Variants in DAB1 observed in about 807,000 individuals in gnomAD.
DAB1 encodes the protein DAB adaptor protein 1.
In DAB1, 15 loss-of-function variants were observed where a neutral mutation model predicts 64.6. That is an observed-to-expected ratio of 0.23 (90% CI 0.16 to 0.36). DAB1 has a LOEUF of 0.36. DAB1 is among the 10% of genes least tolerant of loss of function. DAB1 has a pLI of 1.00. For missense variants in DAB1, 596 were observed against 706.7 expected (o/e 0.84, Z 1.78); for synonymous variants, 235 against 251.9 (o/e 0.93, Z 0.64).
intron 1 of DAB1, among the ~76,000 whole-genome samples, chr1:57,357,899 G>A (rs2100885260): frequency 6.6e-6 from 1 of 152,050 alleles, no homozygotes; most frequent in South Asian, 2.1e-4. Context: ...CCGAACACAT[G>A]GGGATTACGG....
intron 4 of DAB1, among the ~76,000 whole-genome samples, chr1:58,220,201 A>G (rs1659084319): frequency 6.6e-6 from 1 of 152,180 alleles, no homozygotes; most frequent in Admixed American, 6.5e-5. Context: ...TTTTGCAGGG[A>G]TATTGTAGAA....
At chr1:57,768,092 G>T (rs1332295806) in intron 6 of DAB1, among the ~76,000 whole-genome samples, 2 of 147,584 alleles carry the variant, frequency 1.4e-5, no homozygotes, top group Admixed American at 1.4e-4. Flanking sequence ...TAGGAGAATT[G>T]CTTGAACCTG....
At chr1:57,229,888 C>T (rs1667542704) in intron 2 of DAB1, among the ~76,000 whole-genome samples, 2 of 152,182 alleles carry the variant, frequency 1.3e-5, no homozygotes, top group African/African-American at 4.8e-5. Flanking sequence ...ATGAGGGTTT[C>T]TGACATGATT....
At chr1:57,162,869 C>A (rs570789210) in intron 2 of DAB1, among the ~76,000 whole-genome samples, 5 of 152,172 alleles carry the variant, frequency 3.3e-5, no homozygotes, top group Non-Finnish European at 7.3e-5. Flanking sequence ...GAGAAGGCTG[C>A]AATATAAATT....
chr1:57,549,950 CAAGA>C (rs1644896065), intron 7 of DAB1, among the ~76,000 whole-genome samples: 2 of 152,052 alleles, frequency 1.3e-5, no homozygotes, highest in African/African-American at 4.8e-5. Context: ...TCTTTTGTTG[CAAGA>C]AAGACTTCTG....
chr1:58,408,061 C>G (rs1644633902), intron 3 of DAB1, among the ~76,000 whole-genome samples: 1 of 152,176 alleles, frequency 6.6e-6, no homozygotes, highest in African/African-American at 2.4e-5. Flanking sequence ...GCAGCCTCAG[C>G]ATCGCCTGAA....
intron 4 of DAB1, among the ~76,000 whole-genome samples, chr1:58,274,607 C>T (rs540093090): frequency 4.0e-5 from 6 of 151,330 alleles, no homozygotes; most frequent in Non-Finnish European, 8.8e-5. Flanking sequence ...CCCCCAGCCT[C>T]GCTGCCGCCT....
chr1:57,834,200 G>A (rs544819695), intron 1 of DAB1, among the ~76,000 whole-genome samples: 10 of 152,020 alleles, frequency 6.6e-5, no homozygotes, highest in South Asian at 2.1e-4. Flanking sequence ...AGTTTTGTCC[G>A]CAACACCACA....
At chr1:58,216,443 G>C (rs1020497933) in intron 4 of DAB1, among the ~76,000 whole-genome samples, 72 of 152,212 alleles carry the variant, frequency 4.7e-4, no homozygotes, top group African/African-American at 1.6e-3. Context: ...TGGGCATTTG[G>C]GTTGGTTCCT....
At chr1:57,523,331 A>G (rs1457077266) in intron 7 of DAB1, among the ~76,000 whole-genome samples, 1 of 152,216 alleles carries the variant, frequency 6.6e-6, no homozygotes. Flanking sequence ...AGGATATTAC[A>G]TACAGTAAAA....
rs150819458 is a variant in DAB1 at position 57,670,785 on chromosome 1, C to G, written n.552-21120G>C. 2.4e-3 allele frequency among the ~76,000 whole-genome samples: 371 copies of G among 152,200 alleles called. 2 individuals carry two copies. The highest frequency in any genetic ancestry group is 8.1e-3 in the African/African-American group (337 of 41,546). On this transcript the variant is annotated intron_variant and non_coding_transcript_variant, in intron 6 of 20. Coordinates refer to the DAB1 transcript ENST00000485760. ...AAGGTAGGTTGAACATGAAGAAATA[C>G]TTTCAGGGAGAAGACATTTCCAAAC...
At chr1:57,955,188 T>C (rs1857372) in intron 5 of DAB1, among the ~76,000 whole-genome samples, 130,417 of 152,172 alleles carry the variant, frequency 0.86, 56,515 homozygotes, top group South Asian at 0.94. Context: ...CTCAATGTTT[T>C]TGCTTTTAGC....
chr1:58,182,795 C>T (rs1052068568), intron 4 of DAB1, among the ~76,000 whole-genome samples: 4 of 151,906 alleles, frequency 2.6e-5, no homozygotes, highest in Admixed American at 1.3e-4. Flanking sequence ...AATCTGTACC[C>T]GTCAAATATA....
chr1:57,243,321 A>C (rs551220582), intron 2 of DAB1, among the ~76,000 whole-genome samples: 1 of 152,324 alleles, frequency 6.6e-6, no homozygotes, highest in East Asian at 1.9e-4. Flanking sequence ...TTGAGAAAAA[A>C]TCCATAGAAG....
At chr1:57,243,515 G>A (rs1467318100) in intron 2 of DAB1, among the ~76,000 whole-genome samples, 2 of 152,064 alleles carry the variant, frequency 1.3e-5, no homozygotes, top group African/African-American at 2.4e-5. Flanking sequence ...GGAATGAGGA[G>A]GGGAGAGTCA....
upstream of DAB1, among the ~76,000 whole-genome samples, chr1:57,885,611 A>G (rs893006385): frequency 1.3e-5 from 2 of 152,352 alleles, no homozygotes; most frequent in Admixed American, 1.3e-4. Context: ...AGAAGAAAAC[A>G]TTAACAAAAT....
chr1:57,475,994 G>GT (rs1438463088), intron 7 of DAB1, among the ~76,000 whole-genome samples: 1 of 152,166 alleles, frequency 6.6e-6, no homozygotes, highest in Non-Finnish European at 1.5e-5. Flanking sequence ...GGAGGCTGAG[G>GT]TGGGTGGATC....
At chr1:57,671,743 T>C (rs1419172216) in intron 6 of DAB1, among the ~76,000 whole-genome samples, 1 of 152,074 alleles carries the variant, frequency 6.6e-6, no homozygotes, top group Non-Finnish European at 1.5e-5. Context: ...CACTAATTTC[T>C]GTTGACATTT....
At chr1:58,494,983 A>G (rs886417445) in intron 3 of DAB1, among the ~76,000 whole-genome samples, 50 of 152,198 alleles carry the variant, frequency 3.3e-4, no homozygotes, top group Non-Finnish European at 6.2e-4. Flanking sequence ...TGTTTATTGC[A>G]GCACTATTCA....
Sources: allele counts gnomAD v4.1 joint callset (sites outside exome capture counted in the v4.1 genomes callset), GRCh38; gene constraint gnomAD v4.1.1; transcripts MANE v1.5; gene names NCBI Gene and HGNC (gene_info 2026-07-23, HGNC 2026-07-21).